Variants in MYO9A observed in about 807,000 individuals in gnomAD.
MYO9A encodes the protein myosin IXA, also known as unconventional myosin-IXa.
Under a neutral mutation model 293.3 loss-of-function variants are expected in MYO9A, and 103 were observed. The observed-to-expected ratio is 0.35, with a 90% CI of 0.30 to 0.41. The LOEUF is 0.41. Among genes scored for constraint, MYO9A ranks in the 10% least tolerant of loss-of-function variants. The pLI is 1.00. For synonymous variants in MYO9A, 1,001 were observed against 1,035.7 expected (o/e 0.97, Z 0.64); for missense variants, 2,685 against 3,033.0 (o/e 0.89, Z 2.69).
chr15:71,899,813 C>G lies in MYO9A; in HGVS notation c.3344G>C (p.Arg1115Thr). 6.2e-7 allele frequency: 1 copy of G among 1,614,188 alleles called. No homozygotes were observed. The highest frequency in any genetic ancestry group is 8.5e-7 in the Non-Finnish European group (1 of 1,180,046). The change falls in exon 24 of 42, where the codon AGG (arginine) becomes ACG (threonine). Residue 1115 changes from arginine to threonine, a missense_variant. By Grantham distance (71) the Arg-to-Thr change is moderately conservative (BLOSUM62 -1). This residue lies in a region of MYO9A where 1,434 missense variants were observed against 1,497.7 expected (regional missense o/e 0.96). Coordinates refer to ENST00000356056, the MANE Select transcript of MYO9A (RefSeq NM_006901.4). ...TTGTATGCAAATAGCAGCCATGTGCCTGCGCCTATAGTAATCTCTCCATTT... is the reference window on the plus strand; with the variant it reads ...TTGTATGCAAATAGCAGCCATGTGCGTGCGCCTATAGTAATCTCTCCATTT... Reference protein sequence around the residue: ...QQKWRDYYRRRHMAAICIQAR... With the variant: ...QQKWRDYYRRTHMAAICIQAR...
intron 1 of MYO9A, among the ~76,000 whole-genome samples, chr15:72,096,570 T>A (rs2150736388): frequency 6.6e-6 from 1 of 152,360 alleles, no homozygotes; most frequent in East Asian, 1.9e-4. Context: ...GATTAATGTT[T>A]TCCCACCTGC....
intron 32 of MYO9A, among the ~76,000 whole-genome samples, chr15:71,865,610 T>C (rs1248635506): frequency 6.6e-6 from 1 of 152,126 alleles, no homozygotes; most frequent in Non-Finnish European, 1.5e-5. Flanking sequence ...GGCAAATCCA[T>C]ACAGACAAAG....
intron 15 of MYO9A, among the ~76,000 whole-genome samples, chr15:71,949,215 T>C (rs1272961625): frequency 6.6e-6 from 1 of 152,086 alleles, no homozygotes; most frequent in Non-Finnish European, 1.5e-5. Flanking sequence ...TGTTTGTTTG[T>C]TTGTTTTGAG....
At chr15:71,863,699 G>C (rs1008180258) in intron 32 of MYO9A, among the ~76,000 whole-genome samples, 2 of 152,148 alleles carry the variant, frequency 1.3e-5, no homozygotes, top group African/African-American at 4.8e-5. Context: ...TGTGGTACAA[G>C]TGTAATTTTG....
chr15:72,099,977 A>C (rs909498975), intron 1 of MYO9A, among the ~76,000 whole-genome samples: 4 of 151,568 alleles, frequency 2.6e-5, no homozygotes, highest in Non-Finnish European at 5.9e-5. Context: ...CTAACATCAG[A>C]AATAACAGAT....
chr15:72,103,993 T>C (rs1282778220), intron 1 of MYO9A, among the ~76,000 whole-genome samples: 1 of 152,242 alleles, frequency 6.6e-6, no homozygotes, highest in African/African-American at 2.4e-5. Context: ...TTCTCTTGTA[T>C]ACAGATGGTC....
intron 32 of MYO9A, 98 bp downstream of exon 32, chr15:71,875,693 T>G (rs994580496): frequency 1.7e-6 from 1 of 571,572 alleles, no homozygotes; most frequent in African/African-American, 1.9e-5. Flanking sequence ...CCTGATAAAC[T>G]TATTTCATAA....
At chr15:71,926,765 C>A (rs2058324016) in intron 18 of MYO9A, among the ~76,000 whole-genome samples, 1 of 152,176 alleles carries the variant, frequency 6.6e-6, no homozygotes, top group African/African-American at 2.4e-5. Context: ...GTTGTTCTAG[C>A]AAATGAAAAG....
chr15:71,944,971 T>C (rs2058876899), intron 15 of MYO9A, among the ~76,000 whole-genome samples: 1 of 152,230 alleles, frequency 6.6e-6, no homozygotes, highest in Non-Finnish European at 1.5e-5. Flanking sequence ...CTCTTCATTG[T>C]ATTCTTCAGT....
chr15:72,027,597 C>A, intron 4 of MYO9A, 134 bp downstream of exon 4: 1 of 656,420 alleles, frequency 1.5e-6, no homozygotes, highest in South Asian at 2.3e-5. Flanking sequence ...CTGCCCATGA[C>A]AGAAATAGCA....
chr15:71,869,095 T>A (rs1203607120), intron 32 of MYO9A, among the ~76,000 whole-genome samples: 1 of 152,080 alleles, frequency 6.6e-6, no homozygotes, highest in Admixed American at 6.5e-5. Flanking sequence ...TTAGCAACCA[T>A]CACAGCAATT....
Position 71,850,214 on chromosome 15 carries a change from G to A in MYO9A, c.6582-47C>T. ...AAAACAAATGAGTAAGGGATAAAAAGGGAGCACCATAGGGAAATAGGCAGA... is the reference window on the plus strand; with the variant it reads ...AAAACAAATGAGTAAGGGATAAAAAAGGAGCACCATAGGGAAATAGGCAGA... On this transcript the variant is annotated intron_variant, in intron 37 of 41. Coordinates refer to ENST00000356056, the MANE Select transcript of MYO9A (RefSeq NM_006901.4). The A allele has an allele frequency of 1.9e-6, 3 of 1,606,068 alleles. No homozygotes were observed. The South Asian group carries it at 3.3e-5, about 18-fold the overall frequency.
rs2054389348 is a variant in MYO9A at position 71,824,492 on chromosome 15, A to G, written c.*2088T>C. 6.6e-6 allele frequency: 1 copy of G among 152,194 alleles called. No homozygotes were observed. The highest frequency in any genetic ancestry group is 1.5e-5 in the Non-Finnish European group (1 of 68,040). The allele number at this position is 152,194 out of a possible 1,614,324, so 9.4% of individuals were successfully genotyped here. On this transcript the variant is annotated 3_prime_UTR_variant, in exon 42 of 42. Coordinates refer to ENST00000356056, the MANE Select transcript of MYO9A (RefSeq NM_006901.4). ...ATTCTGGAGCAAGTGCAGAGTAACA[A>G]TTAATGCCCAGCAGTACACTACTCT...
At chr15:72,015,369 T>C (rs1200675184) in intron 6 of MYO9A, among the ~76,000 whole-genome samples, 2 of 152,212 alleles carry the variant, frequency 1.3e-5, no homozygotes, top group African/African-American at 4.8e-5. Flanking sequence ...TCAGGGTATC[T>C]TGCCCAAGTT....
intron 35 of MYO9A, among the ~76,000 whole-genome samples, chr15:71,853,563 C>T (rs996243790): frequency 6.6e-6 from 1 of 152,164 alleles, no homozygotes; most frequent in African/African-American, 2.4e-5. Context: ...ATACTCAATT[C>T]ATTTCTCATT....
chr15:72,003,824 T>C (rs1193862070), intron 8 of MYO9A, among the ~76,000 whole-genome samples: 1 of 151,880 alleles, frequency 6.6e-6, no homozygotes, highest in East Asian at 1.9e-4. Flanking sequence ...CCTAAAAAAT[T>C]AGTTAAAAAG....
At position 72,117,778 on chromosome 15, in the gene MYO9A, G is replaced by C. The variant is rs2081053850; in HGVS notation, c.-170C>G. 1 of 398,084 alleles carries C rather than the reference G, an allele frequency of 2.5e-6. No individual in the cohort carries two copies. Among genetic ancestry groups the C allele is most frequent in the South Asian group, 1.3e-4 (1 of 7,862 alleles). 24.7% of individuals were successfully genotyped at this position (398,084 alleles called of 1,614,324 possible). ...GGTAGGACCGGAGATGGCAGAAGAG[G>C]CCGAGGCCACCGAGGGTCGGACGGT... On this transcript the variant is annotated 5_prime_UTR_variant, in exon 1 of 42. Coordinates refer to ENST00000356056, the MANE Select transcript of MYO9A (RefSeq NM_006901.4).
In MYO9A at chr15:72,039,810, C is replaced by CAA. The variant is rs2078171384; in HGVS notation, c.840+5912_840+5913dup. The CAA allele has an allele frequency of 1.3e-5, 2 of 153,594 alleles. 1 individual carries two copies. The highest frequency in any genetic ancestry group is 2.9e-5 in the Non-Finnish European group (2 of 69,116). 9.5% of individuals were successfully genotyped at this position (153,594 alleles called of 1,614,324 possible). A position where few individuals can be genotyped will look rare whatever the true frequency, so the allele number is the denominator to read the frequency against. On this transcript the variant is annotated intron_variant, in intron 2 of 41. Coordinates refer to ENST00000356056, the MANE Select transcript of MYO9A (RefSeq NM_006901.4). ...TGCCACTGTACTCCAGCCCAGGCGA[C>CAA]AAAGCAAGATTCTGTCTCAAAGAAA...
intron 1 of MYO9A, among the ~76,000 whole-genome samples, chr15:72,072,702 C>G (rs140735908): frequency 8.5e-4 from 130 of 152,056 alleles, no homozygotes; most frequent in African/African-American, 3.0e-3. Flanking sequence ...AGCTAAGTAG[C>G]GGGTATAGAT....
Sources: allele counts gnomAD v4.1 joint callset (sites outside exome capture counted in the v4.1 genomes callset), GRCh38; gene constraint gnomAD v4.1.1; regional missense constraint gnomAD v4.1.1; transcripts MANE v1.5; gene names NCBI Gene and HGNC (gene_info 2026-07-23, HGNC 2026-07-21).